RNF214: variants seen among roughly 807,000 people sequenced by gnomAD.
RNF214 encodes ring finger protein 214.
In RNF214, 25 loss-of-function variants were observed where a neutral mutation model predicts 75.9. The ratio of observed to expected loss-of-function variants is 0.33; its 90% CI spans 0.24 to 0.46. The LOEUF (loss-of-function observed/expected upper bound fraction) is 0.46, where lower values mean the gene tolerates loss of function less well. RNF214 is among the 20% of genes least tolerant of loss of function. RNF214 has a pLI of 1.00. For missense variants in RNF214, 725 were observed against 857.5 expected, an observed-to-expected ratio of 0.85 and a Z score of 1.93; for synonymous variants, 314 against 308.8, an observed-to-expected ratio of 1.02 and a Z score of -0.18.
intron 4 of RNF214, among the ~76,000 whole-genome samples, chr11:117,242,263 A>G (rs921020297): frequency 1.3e-5 from 2 of 152,158 alleles, no homozygotes; most frequent in African/African-American, 4.8e-5. Flanking sequence ...ATGTTAATTT[A>G]TAAAGAGTGG....
chr11:117,280,560 A>G (rs1338182216), intron 8 of RNF214, among the ~76,000 whole-genome samples: 1 of 152,144 alleles, frequency 6.6e-6, no homozygotes, highest in East Asian at 1.9e-4. Context: ...TAATCCCAGC[A>G]CTTTGGGAGG....
At chr11:117,262,784 A>C (rs1398540405) in intron 6 of RNF214, among the ~76,000 whole-genome samples, 1 of 151,644 alleles carries the variant, frequency 6.6e-6, no homozygotes, top group Non-Finnish European at 1.5e-5. Flanking sequence ...GAGGGATGTT[A>C]AAATCTCTAT....
At chr11:117,244,380 G>A (rs1403260905) in intron 4 of RNF214, 65 bp from the exon 5 acceptor site, 3 of 1,395,610 alleles carry the variant, frequency 2.1e-6, no homozygotes, top group Non-Finnish European at 3.0e-6. Flanking sequence ...GCCTTGGACA[G>A]GCACTGGTGA....
intron 6 of RNF214, among the ~76,000 whole-genome samples, chr11:117,248,765 C>G (rs1426155236): frequency 2.0e-5 from 3 of 152,166 alleles, no homozygotes; most frequent in Non-Finnish European, 2.9e-5. Flanking sequence ...TGCTCCCACC[C>G]CATGACATGG....
At chr11:117,244,255 A>T (rs956758275) in intron 4 of RNF214, among the ~76,000 whole-genome samples, 190 bp from the exon 5 acceptor site, 4 of 152,174 alleles carry the variant, frequency 2.6e-5, no homozygotes, top group Admixed American at 1.3e-4. Flanking sequence ...TACTACAGTT[A>T]TAGGTGTGAG....
At chr11:117,256,754 TA>T (rs1404739214) in intron 6 of RNF214, among the ~76,000 whole-genome samples, 2 of 152,194 alleles carry the variant, frequency 1.3e-5, no homozygotes, top group Admixed American at 6.5e-5. Flanking sequence ...GTCACAGGAC[TA>T]ACCCAGATTT....
chr11:117,265,656 C>T (rs917513139), intron 6 of RNF214, among the ~76,000 whole-genome samples: 1 of 152,160 alleles, frequency 6.6e-6, no homozygotes, highest in Non-Finnish European at 1.5e-5. Flanking sequence ...CTCAGGTGAT[C>T]CGCTCGCCTT....
At chr11:117,235,718 C>T (rs1054918874) in intron 2 of RNF214, among the ~76,000 whole-genome samples, 2 of 151,990 alleles carry the variant, frequency 1.3e-5, no homozygotes, top group Non-Finnish European at 2.9e-5. Flanking sequence ...GTTGGCCAGA[C>T]TGGGTATTTT....
At chr11:117,232,988 G>A (rs1283135692) in intron 1 of RNF214, among the ~76,000 whole-genome samples, 1 of 151,980 alleles carries the variant, frequency 6.6e-6, no homozygotes, top group Non-Finnish European at 1.5e-5. Context: ...GTCCCCTGTG[G>A]GGGGTGGCCA....
chr11:117,282,237 A>G lies in RNF214; in HGVS notation c.1679A>G (p.Glu560Gly), dbSNP rs759895613. The G allele has an allele frequency of 6.2e-7, 1 of 1,604,400 alleles. No homozygotes were observed. The highest frequency in any genetic ancestry group is 1.3e-5 in the African/African-American group (1 of 74,656). ...QPVDKLEKIL[E>G]KLLTRFPQCN... ...GTAGACAAACTGGAGAAGATCCTGG[A>G]GAAGCTGCTGACCCGGTTCCCACAG... Residue 560 changes from glutamate (E) to glycine (G), a missense_variant, in exon 11 of 15, where the codon GAG becomes GGG. By Grantham distance (98) the Glu-to-Gly change is moderately conservative (BLOSUM62 -2). This residue lies in a region of RNF214 where 363 missense variants were observed against 513.0 expected (regional missense o/e 0.71). Transcript: ENST00000300650.
chr11:117,277,951 G>A (rs1429787718), intron 6 of RNF214, among the ~76,000 whole-genome samples: 2 of 150,594 alleles, frequency 1.3e-5, no homozygotes, highest in Non-Finnish European at 3.0e-5. Context: ...TCCAGACTGG[G>A]CAACAGATAG....
intron 6 of RNF214, among the ~76,000 whole-genome samples, chr11:117,247,720 G>A (rs1162279140): frequency 6.6e-6 from 1 of 151,872 alleles, no homozygotes; most frequent in Non-Finnish European, 1.5e-5. Context: ...GCGTGGCGGC[G>A]TGCACCTGTA....
At chr11:117,237,059 A>G (rs535602) in intron 2 of RNF214, among the ~76,000 whole-genome samples, 109,709 of 152,058 alleles carry the variant, frequency 0.72, 41,241 homozygotes, top group East Asian at 0.95. Context: ...AACTCCCAGC[A>G]GGAAGGAATC....
intron 10 of RNF214, 23 bp downstream of exon 10, chr11:117,281,721 A>G: frequency 6.3e-7 from 1 of 1,577,288 alleles, no homozygotes; most frequent in Non-Finnish European, 8.7e-7. Flanking sequence ...CTTTGGGGGG[A>G]AGTTCACCTT....
rs200694867 is a variant in RNF214, at chr11:117,244,658, CTTTA to C, written c.819+93_819+96del. 9.1e-4 allele frequency: 1,041 copies of C among 1,141,768 alleles called. 5 individuals are homozygous for C. The East Asian group carries it at 0.018, about 20-fold the overall frequency. The allele number at this position is 1,141,768 out of a possible 1,614,324, so 70.7% of individuals were successfully genotyped here. A position where few individuals can be genotyped will look rare whatever the true frequency, so the allele number is the denominator to read the frequency against. ...GATCAAACTTTAATTTTTTAAAAAA[CTTTA>C]TTTATTTATTTATTTATTTTTGAGA... On this transcript the variant is annotated intron_variant, in intron 5 of 14. Transcript: ENST00000300650.
intron 6 of RNF214, among the ~76,000 whole-genome samples, chr11:117,269,614 C>T (rs763099376): frequency 7.2e-5 from 11 of 152,184 alleles, no homozygotes; most frequent in Non-Finnish European, 1.2e-4. Flanking sequence ...CCACCCGTCT[C>T]GGCCTCCCAA....
chr11:117,255,238 C>T (rs1368487499), intron 6 of RNF214, among the ~76,000 whole-genome samples: 1 of 152,176 alleles, frequency 6.6e-6, no homozygotes, highest in African/African-American at 2.4e-5. Context: ...CCTCAGTTTT[C>T]TAACCATCAG....
At chr11:117,252,110 G>C (rs1008613582) in intron 6 of RNF214, among the ~76,000 whole-genome samples, 5 of 152,162 alleles carry the variant, frequency 3.3e-5, no homozygotes, top group Admixed American at 1.3e-4. Flanking sequence ...CTCAAGTGAT[G>C]TGCCCGCCTT....
At chr11:117,247,505 A>T (rs996652990) in intron 6 of RNF214, among the ~76,000 whole-genome samples, 11 of 151,840 alleles carry the variant, frequency 7.2e-5, no homozygotes, top group East Asian at 5.8e-4. Flanking sequence ...TTAAAAAAAA[A>T]TTTTTTTTAT....
Sources: gnomAD v4.1 joint callset for allele counts (sites outside exome capture counted in the v4.1 genomes callset) on GRCh38, gnomAD v4.1.1 for gene constraint, gnomAD v4.1.1 regional missense constraint, MANE v1.5 for transcripts, NCBI Gene and HGNC (gene_info 2026-07-23, HGNC 2026-07-21) for gene names.